The following ADCY7 variants were observed in gnomAD, a reference collection of about 807,000 sequenced individuals.
The protein encoded by ADCY7 is adenylate cyclase type 7.
ADCY7 carries 72 observed loss-of-function variants against 120.6 expected under a neutral mutation model. The observed-to-expected ratio is 0.60, with a 90% CI of 0.49 to 0.73. The LOEUF (loss-of-function observed/expected upper bound fraction) is 0.73. ADCY7 is among the 30% of genes least tolerant of loss of function. The pLI is 0.00. For missense variants in ADCY7, 1,227 were observed against 1,486.0 expected, an observed-to-expected ratio of 0.83 and a Z score of 2.87; for synonymous variants, 661 against 628.0, an observed-to-expected ratio of 1.05 and a Z score of -0.78.
chr16:50,302,300 A>G (rs926307930), intron 10 of ADCY7, among the ~76,000 whole-genome samples: 1 of 152,130 alleles, frequency 6.6e-6, no homozygotes, highest in African/African-American at 2.4e-5. Flanking sequence ...CCTCCTCTCC[A>G]GGCTGCAGCC....
At chr16:50,312,232 C>A (rs774183783) in intron 21 of ADCY7, 41 bp downstream of exon 21, 6 of 1,608,128 alleles carry the variant, frequency 3.7e-6, no homozygotes, top group Admixed American at 3.3e-5. Context: ...GGGAGGCGGA[C>A]GGTCCAGGCG....
At chr16:50,303,391 C>A (rs573828181) in intron 10 of ADCY7, among the ~76,000 whole-genome samples, 1 of 152,324 alleles carries the variant, frequency 6.6e-6, no homozygotes, top group African/African-American at 2.4e-5. Context: ...GTGCTTGTAG[C>A]TGTGGAGGCT....
At chr16:50,248,191 AC>A (rs1323655347) in intron 1 of ADCY7, among the ~76,000 whole-genome samples, 1 of 152,128 alleles carries the variant, frequency 6.6e-6, no homozygotes, top group Non-Finnish European at 1.5e-5. Flanking sequence ...TGAGTGCCCG[AC>A]CACGGGCAGC....
At chr16:50,309,773 G>A (rs1327485692) in intron 18 of ADCY7, 127 bp downstream of exon 18, 4 of 832,954 alleles carry the variant, frequency 4.8e-6, no homozygotes, top group South Asian at 1.8e-5. Context: ...GCTGAGAACA[G>A]CCTCTCCTGC....
Position 50,292,806 on chromosome 16 carries a change from G to T in ADCY7, c.668G>T (p.Arg223Leu), listed in dbSNP as rs141712991. 14 of 1,613,544 alleles carry T rather than the reference G, an allele frequency of 8.7e-6. No homozygotes were observed. Among genetic ancestry groups the T allele is most frequent in the South Asian group, 2.2e-5 (2 of 91,084 alleles). ...TGCATCCAGATCCGCCGGAAGCTGC[G>T]CATCGAGAAGCGCCAGCAGGTGGGA... Reference protein sequence around the residue: ...VKCIQIRRKLRIEKRQQENLL... With the variant: ...VKCIQIRRKLLIEKRQQENLL... Residue 223 changes from arginine to leucine, a missense_variant, in exon 5 of 26, where the codon CGC (arginine) becomes CTC (leucine). Coordinates refer to ENST00000673801, the MANE Select transcript of ADCY7 (RefSeq NM_001114.5).
chr16:50,314,096 T>G, intron 23 of ADCY7, 34 bp downstream of exon 23: 1 of 1,594,984 alleles, frequency 6.3e-7, no homozygotes, highest in Non-Finnish European at 8.6e-7. Context: ...TTCAGCTGAC[T>G]GTCCTCACTT....
intron 1 of ADCY7, among the ~76,000 whole-genome samples, chr16:50,271,314 T>G (rs2033557608): frequency 6.6e-6 from 1 of 152,186 alleles, no homozygotes; most frequent in East Asian, 1.9e-4. Context: ...TGGTCATAGC[T>G]CACAGCAGCC....
upstream of ADCY7, among the ~76,000 whole-genome samples, chr16:50,245,974 T>C (rs886399959): frequency 2.2e-3 from 3 of 1,344 alleles, no homozygotes; most frequent in Non-Finnish European, 4.5e-3. Context: ...TGGGGTGGGG[T>C]GGGGCGGGGC....
Position 50,317,876 on chromosome 16 carries a change from C to G in ADCY7, c.*2371C>G, listed in dbSNP as rs1449267635. 6.7e-6 allele frequency: 1 copy of G among 149,262 alleles called. No individual in the cohort carries two copies. Among genetic ancestry groups the G allele is most frequent in the Non-Finnish European group, 1.5e-5 (1 of 66,852 alleles). The allele number at this position is 149,262 out of a possible 1,614,324, so 9.2% of individuals were successfully genotyped here. A position where few individuals can be genotyped will look rare whatever the true frequency, so the allele number is the denominator to read the frequency against. The stretch of plus-strand genomic sequence containing the variant: ...GAAAATAATACCTAAGGTTTTCTGG[C>G]TTATTGAGGAAATTTCCTAACAAAC... On this transcript the variant is annotated 3_prime_UTR_variant, in exon 26 of 26. Coordinates refer to ENST00000673801, the MANE Select transcript of ADCY7 (RefSeq NM_001114.5).
At chr16:50,271,347 G>T (rs4573929) in intron 1 of ADCY7, among the ~76,000 whole-genome samples, 150,453 of 152,240 alleles carry the variant, frequency 0.99, 74,364 homozygotes, top group Middle Eastern at 1. Context: ...GCTCAAGAGA[G>T]CCTCCCACCT....
chr16:50,301,098 G>C lies in ADCY7; in HGVS notation c.1252G>C (p.Glu418Gln), dbSNP rs779453547. Residue 418 changes from glutamate to glutamine, a missense_variant, in exon 10 of 26, where the codon GAG becomes CAG. Glu to Gln is a conservative substitution (Grantham distance 29). This residue lies in a region of ADCY7 where 332 missense variants were observed against 455.8 expected (regional missense o/e 0.73). Transcript: ENST00000673801. ...CTCCCGTAGCCGGGTGCACATCACGGAGGCCACGCTAAAGCACCTGGACAA... is the reference window on the plus strand; with the variant it reads ...CTCCCGTAGCCGGGTGCACATCACGCAGGCCACGCTAAAGCACCTGGACAA... The part of the protein sequence containing the change: ...AGVPGRVHIT[E>Q]ATLKHLDKAY... The C allele has an allele frequency of 6.2e-7, 1 of 1,613,886 alleles. No homozygotes were observed. Among genetic ancestry groups the C allele is most frequent in the Non-Finnish European group, 8.5e-7 (1 of 1,179,918 alleles).
chr16:50,247,046 AGATT>A (rs2032611360), intron 1 of ADCY7, among the ~76,000 whole-genome samples: 3 of 151,804 alleles, frequency 2.0e-5, no homozygotes, highest in African/African-American at 4.9e-5. Flanking sequence ...GATGCTCCAG[AGATT>A]GAATGAATGA....
At chr16:50,299,242 A>G (rs903040557) in intron 8 of ADCY7, among the ~76,000 whole-genome samples, 5 of 152,242 alleles carry the variant, frequency 3.3e-5, no homozygotes, top group Non-Finnish European at 7.3e-5. Flanking sequence ...TGTGACTCTG[A>G]GTCCCAGAAA....
In ADCY7 at chr16:50,288,209, C is replaced by T. The variant is rs367883473; in HGVS notation, c.30C>T (p.Asn10=). The T allele has an allele frequency of 1.9e-5, 29 of 1,550,882 alleles. No homozygotes were observed. The highest frequency in any genetic ancestry group is 3.9e-5 in the Admixed American group (2 of 50,966). ...CAGCCAAGGGGCGCTACTTCCTCAA[C>T]GAGGGCGAGGAGGGCCCTGACCAAG... The part of the protein sequence containing the change: MPAKGRYFL[N]EGEEGPDQDA... The change falls in exon 2 of 26, where the codon AAC becomes AAT. Residue 10 remains asparagine, a synonymous_variant. Transcript: ENST00000673801.
Position 50,281,018 on chromosome 16 carries a change from G to A in ADCY7, c.-268-6894G>A, listed in dbSNP as rs112922139. Among the ~76,000 whole-genome samples the A allele has an allele frequency of 5.2e-3, 791 of 152,220 alleles. 4 individuals are homozygous for A. Among genetic ancestry groups the A allele is most frequent in the African/African-American group, 9.0e-3 (372 of 41,526 alleles). ...GTTGGCTGGGGGCTCATGCCGTTGG[G>A]GAATTTCAGTCTTTGCCCCTGCTCG... On this transcript the variant is annotated intron_variant, in intron 1 of 25. Transcript: ENST00000673801.
rs2035933358 is a variant in ADCY7 at position 50,304,486 on chromosome 16, C to T, written c.1495C>T (p.His499Tyr). The T allele has an allele frequency of 6.2e-7, 1 of 1,608,278 alleles. No homozygotes were observed. The highest frequency in any genetic ancestry group is 1.7e-5 in the Admixed American group (1 of 58,868). The stretch of plus-strand genomic sequence containing the variant: ...CTGGGGGGCGGCACGGCCCTTTGCA[C>T]ATCTCAACCACCGTGAGAGCGTGAG... ...ESWGAARPFA[H>Y]LNHRESVSSG... is the part of the protein sequence containing the mutation. Residue 499 changes from histidine to tyrosine, a missense_variant, in exon 11 of 26, where the codon CAT becomes TAT. His to Tyr is a moderately conservative substitution (Grantham distance 83, BLOSUM62 2). Transcript: ENST00000673801.
At position 50,311,775 on chromosome 16, in the gene ADCY7, C is replaced by T. The variant is rs201628001; in HGVS notation, c.2437C>T (p.Leu813Phe). Residue 813 changes from leucine to phenylalanine, a missense_variant, in exon 20 of 26, where the codon CTC (leucine) becomes TTC (phenylalanine). Leu to Phe is a conservative substitution (Grantham distance 22). Around this residue, in one of 5 missense-constraint regions of ADCY7, gnomAD observed 267 missense variants for 270.0 expected, o/e 0.99. Transcript: ENST00000673801. ...CCTGTTCTACATCACCCTGCTTACA[C>T]TCTCCAGACAGGTAAGGAGGCTGGC... ...LVLFYITLLT[L>F]SRQIDYYCRL... 2 of 1,516,820 alleles carry T rather than the reference C, an allele frequency of 1.3e-6. No individual in the cohort carries two copies. The highest frequency in any genetic ancestry group is 1.8e-6 in the Non-Finnish European group (2 of 1,097,644). The allele number at this position is 1,516,820 out of a possible 1,614,324, so 94.0% of individuals were successfully genotyped here. A position where few individuals can be genotyped will look rare whatever the true frequency, so the allele number is the denominator to read the frequency against.
In ADCY7 at chr16:50,292,746, A is replaced by G; in HGVS notation, c.608A>G (p.Asp203Gly). Reference protein sequence around the residue: ...TGAFHKHQMQDASRDLFTYTV... With the variant: ...TGAFHKHQMQGASRDLFTYTV... ...GCCTTCCACAAGCACCAAATGCAGG[A>G]TGCATCCCGGGACCTCTTCACCTAC... is the stretch of plus-strand genomic sequence containing the variant. The change falls in exon 5 of 26, where the codon GAT becomes GGT. Residue 203 changes from aspartate (D) to glycine (G), a missense_variant. This residue lies in a region of ADCY7 where 382 missense variants were observed against 411.4 expected (regional missense o/e 0.93). Transcript: ENST00000673801. 6.2e-7 allele frequency: 1 copy of G among 1,614,040 alleles called. No homozygotes were observed. Among genetic ancestry groups the G allele is most frequent in the African/African-American group, 1.3e-5 (1 of 75,032 alleles).
At chr16:50,314,594 A>G in intron 24 of ADCY7, 188 bp downstream of exon 24, 1 of 556,340 alleles carries the variant, frequency 1.8e-6, no homozygotes, top group Admixed American at 3.3e-5. Flanking sequence ...TACCATTGAG[A>G]GTTTTAATAA....
Sources: allele counts gnomAD v4.1 joint callset (sites outside exome capture counted in the v4.1 genomes callset), GRCh38; gene constraint gnomAD v4.1.1; regional missense constraint gnomAD v4.1.1; transcripts MANE v1.5; gene names NCBI Gene and HGNC (gene_info 2026-07-23, HGNC 2026-07-21).